NXPH1: variants seen among roughly 807,000 people sequenced by gnomAD.
The protein encoded by NXPH1 is neurexophilin-1.
NXPH1 carries 5 observed loss-of-function variants against 23.7 expected under a neutral mutation model. That is an observed-to-expected ratio of 0.21 (90% CI 0.11 to 0.44). NXPH1 has a LOEUF of 0.44. NXPH1 is among the 20% of genes least tolerant of loss of function. The pLI, the probability that NXPH1 is intolerant of heterozygous loss-of-function variation, is 0.99. For synonymous variants in NXPH1, 144 were observed against 122.2 expected (o/e 1.18, Z -1.18); for missense variants, 324 against 321.6 (o/e 1.01, Z -0.06).
At chr7:8,626,921 C>T (rs559053282) in intron 2 of NXPH1, among the ~76,000 whole-genome samples, 63 of 152,210 alleles carry the variant, frequency 4.1e-4, no homozygotes, top group African/African-American at 1.5e-3. Flanking sequence ...TTACCAGGGT[C>T]TTTTTCCTGA....
intron 2 of NXPH1, among the ~76,000 whole-genome samples, chr7:8,620,063 G>C (rs1447302597): frequency 5.3e-5 from 8 of 152,234 alleles, no homozygotes; most frequent in Admixed American, 3.9e-4. Context: ...TCAGCACTTA[G>C]AGCTGCCAGA....
intron 2 of NXPH1, among the ~76,000 whole-genome samples, chr7:8,511,227 T>C (rs1304791479): frequency 6.6e-6 from 1 of 152,130 alleles, no homozygotes; most frequent in Non-Finnish European, 1.5e-5. Flanking sequence ...TCATATCTCA[T>C]TTGTAAATAC....
chr7:8,744,639 C>A (rs17154751), intron 2 of NXPH1, among the ~76,000 whole-genome samples: 6 of 152,214 alleles, frequency 3.9e-5, no homozygotes, highest in Non-Finnish European at 8.8e-5. Context: ...TTCCCAGTTT[C>A]CTAGTGGATG....
At chr7:8,527,332 C>T (rs1223220268) in intron 2 of NXPH1, among the ~76,000 whole-genome samples, 1 of 152,170 alleles carries the variant, frequency 6.6e-6, no homozygotes, top group Non-Finnish European at 1.5e-5. Context: ...TGCATGATGG[C>T]TGGACAGTAG....
At chr7:8,458,022 T>C (rs552779617) in intron 2 of NXPH1, among the ~76,000 whole-genome samples, 1 of 152,324 alleles carries the variant, frequency 6.6e-6, no homozygotes, top group African/African-American at 2.4e-5. Flanking sequence ...ATTGAATTAT[T>C]TGAGAAAAAT....
intron 2 of NXPH1, among the ~76,000 whole-genome samples, chr7:8,587,270 T>G (rs1358105400): frequency 6.6e-6 from 1 of 150,490 alleles, no homozygotes; most frequent in Non-Finnish European, 1.5e-5. Flanking sequence ...CAGTGCTGCA[T>G]TTATTCAAGG....
At chr7:8,496,876 T>C (rs569500071) in intron 2 of NXPH1, among the ~76,000 whole-genome samples, 1 of 152,242 alleles carries the variant, frequency 6.6e-6, no homozygotes, top group South Asian at 2.1e-4. Flanking sequence ...AACAGATTTT[T>C]TAAAAATTAT....
intron 2 of NXPH1, among the ~76,000 whole-genome samples, chr7:8,664,025 G>A (rs1322331295): frequency 6.6e-6 from 1 of 151,550 alleles, no homozygotes; most frequent in South Asian, 2.1e-4. Context: ...CATCTTCCTA[G>A]AGAAAGAGAA....
chr7:8,612,159 C>T (rs960142159), intron 2 of NXPH1, among the ~76,000 whole-genome samples: 1 of 150,976 alleles, frequency 6.6e-6, no homozygotes, highest in Admixed American at 6.6e-5. Context: ...TTTCCTTTCT[C>T]TTTCTGTCAT....
chr7:8,571,144 CTT>C (rs1818639555), intron 2 of NXPH1, among the ~76,000 whole-genome samples: 1 of 151,802 alleles, frequency 6.6e-6, no homozygotes, highest in South Asian at 2.1e-4. Flanking sequence ...CACCCAGAAT[CTT>C]TAACAAGATC....
intron 2 of NXPH1, among the ~76,000 whole-genome samples, chr7:8,460,703 T>G (rs1316849110): frequency 2.6e-5 from 4 of 152,220 alleles, no homozygotes; most frequent in African/African-American, 9.6e-5. Flanking sequence ...TTTTGTTTAT[T>G]GCTTAATGGA....
chr7:8,483,790 G>C (rs764327121), intron 2 of NXPH1, among the ~76,000 whole-genome samples: 1 of 152,082 alleles, frequency 6.6e-6, no homozygotes, highest in Non-Finnish European at 1.5e-5. Flanking sequence ...CACTAGACCA[G>C]ATGTTCTCCA....
intron 2 of NXPH1, among the ~76,000 whole-genome samples, chr7:8,710,941 C>T (rs1583241350): frequency 8.7e-6 from 1 of 114,990 alleles, no homozygotes; most frequent in South Asian, 2.7e-4. Context: ...GGACTACAGG[C>T]GTGAGCCACC....
Position 8,476,047 on chromosome 7 carries a change from A to G in NXPH1, c.54+40280A>G, listed in dbSNP as rs570642858. 8.5e-5 allele frequency among the ~76,000 whole-genome samples: 13 copies of G among 152,274 alleles called. No individual in the cohort carries two copies. The South Asian group carries it at 2.3e-3, about 27-fold the overall frequency. Reference sequence around the variant, plus strand: ...GAAATGATGCTAATATTGCTCTTACATGATGCAAGTAATGTTCTGAAAGTA... The same window carrying G: ...GAAATGATGCTAATATTGCTCTTACGTGATGCAAGTAATGTTCTGAAAGTA... On this transcript the variant is annotated intron_variant, in intron 2 of 2. Coordinates refer to ENST00000405863, the MANE Select transcript of NXPH1 (RefSeq NM_152745.3).
intron 2 of NXPH1, among the ~76,000 whole-genome samples, chr7:8,474,509 T>C (rs889482515): frequency 6.6e-6 from 1 of 152,154 alleles, no homozygotes; most frequent in African/African-American, 2.4e-5. Context: ...TCTCTACTCC[T>C]TACTCTCTCA....
chr7:8,525,608 G>T (rs1395733540), intron 2 of NXPH1, among the ~76,000 whole-genome samples: 2 of 152,150 alleles, frequency 1.3e-5, no homozygotes, highest in Non-Finnish European at 1.5e-5. Context: ...GTTGGGCCCA[G>T]GGTTCCCATG....
chr7:8,619,789 A>G (rs571262207), intron 2 of NXPH1, among the ~76,000 whole-genome samples: 2 of 152,284 alleles, frequency 1.3e-5, no homozygotes, highest in Non-Finnish European at 2.9e-5. Context: ...TAATACCATT[A>G]TTTCATATGA....
At position 8,435,148 on chromosome 7, in the gene NXPH1, ATC is replaced by A; in HGVS notation, c.-111+404_-111+405del. ...CCTCTCACCGCGCCCCCCTCGCTCA[ATC>A]TCTCTCTCTCCCTTTATCTTTCCCC... On this transcript the variant is annotated intron_variant, in intron 1 of 2. Coordinates refer to ENST00000405863, the MANE Select transcript of NXPH1 (RefSeq NM_152745.3). The surrounding 1 kb of genome is among the most constrained non-coding windows in gnomAD (Gnocchi z 5.9). The A allele has an allele frequency of 3.8e-5, 6 of 157,896 alleles. No individual in the cohort carries two copies. The highest frequency in any genetic ancestry group is 1.2e-4 in the Admixed American group (2 of 16,038). 9.8% of individuals were successfully genotyped at this position (157,896 alleles called of 1,614,324 possible). A position where few individuals can be genotyped will look rare whatever the true frequency, so the allele number is the denominator to read the frequency against.
chr7:8,632,240 T>C (rs545608554), intron 2 of NXPH1, among the ~76,000 whole-genome samples: 3 of 152,310 alleles, frequency 2.0e-5, no homozygotes, highest in African/African-American at 7.2e-5. Context: ...GAAAATCTTA[T>C]GATGACTAAC....
Sources: allele counts gnomAD v4.1 joint callset (sites outside exome capture counted in the v4.1 genomes callset), GRCh38; gene constraint gnomAD v4.1.1; non-coding constraint Gnocchi (gnomAD v3.1); transcripts MANE v1.5; gene names NCBI Gene and HGNC (gene_info 2026-07-23, HGNC 2026-07-21).